The following COMMD7 variants were observed in gnomAD, a reference collection of about 807,000 sequenced individuals.
COMMD7 encodes the protein COMM domain-containing protein 7.
A neutral mutation model predicts 34.8 loss-of-function variants in COMMD7; 28 were observed. The ratio of observed to expected loss-of-function variants is 0.80; its 90% confidence interval spans 0.60 to 1.10. The LOEUF (loss-of-function observed/expected upper bound fraction) is 1.10, where lower values mean the gene tolerates loss of function less well. Among genes scored for constraint, COMMD7 ranks in the 50% least tolerant of loss-of-function variants. The probability of loss-of-function intolerance (pLI) is 0.00; values close to 1 mark genes in which losing one functional copy is unlikely to be tolerated. For synonymous variants in COMMD7, 80 were observed against 86.4 expected, an observed-to-expected ratio of 0.93 and a Z score of 0.41; for missense variants, 211 against 241.6, an observed-to-expected ratio of 0.87 and a Z score of 0.84.
intron 3 of COMMD7, among the ~76,000 whole-genome samples, chr20:32,718,075 C>A (rs556609521): frequency 1.6e-4 from 23 of 144,570 alleles, no homozygotes; most frequent in African/African-American, 5.6e-4. Flanking sequence ...GGCGACAGAG[C>A]GAGACTGCCT....
chr20:32,732,531 C>T (rs910424325), intron 1 of COMMD7, among the ~76,000 whole-genome samples: 3 of 152,092 alleles, frequency 2.0e-5, no homozygotes, highest in African/African-American at 7.2e-5. Context: ...CTTTGGGAGG[C>T]TGAGGCAGGA....
chr20:32,704,081 G>A lies in COMMD7; in HGVS notation c.478-10C>T. 6.4e-7 allele frequency: 1 copy of A among 1,571,388 alleles called. No homozygotes were observed. Among genetic ancestry groups the A allele is most frequent in the Admixed American group, 1.9e-5 (1 of 54,004 alleles). On this transcript the variant is annotated splice_polypyrimidine_tract_variant and intron_variant, in intron 7 of 8. Transcript: ENST00000278980. Reference sequence around the variant, plus strand: ...TAACCACCAACTTTAGCTGATGAAAGAAAAAGAAATAATTTAAATTAAAAT... The same window carrying A: ...TAACCACCAACTTTAGCTGATGAAAAAAAAAGAAATAATTTAAATTAAAAT...
rs1389686409 is a variant in COMMD7 at position 32,703,033 on chromosome 20, A to T, written c.*349T>A. The T allele has an allele frequency of 4.9e-6, 1 of 202,924 alleles. No individual in the cohort carries two copies. Among genetic ancestry groups the T allele is most frequent in the African/African-American group, 2.3e-5 (1 of 43,080 alleles). The allele number at this position is 202,924 out of a possible 1,614,324, so 12.6% of individuals were successfully genotyped here. A position where few individuals can be genotyped will look rare whatever the true frequency, so the allele number is the denominator to read the frequency against. On this transcript the variant is annotated 3_prime_UTR_variant, in exon 9 of 9. Transcript: ENST00000278980. ...TTGGGAGGAGGGTGATCAGCATGTT[A>T]TCTTGAATGATGGCACCATTTGTTT... is the stretch of plus-strand genomic sequence containing the variant.
Position 32,703,400 on chromosome 20 carries a change from G to A in COMMD7, c.585C>T (p.Ser195=). Residue 195 remains serine, a synonymous_variant, in exon 9 of 9, where the codon AGC becomes AGT. Transcript: ENST00000278980. The part of the protein sequence containing the change: ...FLHEMERVRT[S]MECFC ...ACAGAAATCAGCAGAAACACTCCATGCTGGTTCTGACTCGCTCCATCTCGT... is the reference window on the plus strand; with the variant it reads ...ACAGAAATCAGCAGAAACACTCCATACTGGTTCTGACTCGCTCCATCTCGT... 1.2e-6 allele frequency: 2 copies of A among 1,613,996 alleles called. No individual in the cohort carries two copies. The highest frequency in any genetic ancestry group is 1.7e-6 in the Non-Finnish European group (2 of 1,179,990).
At chr20:32,734,396 C>T (rs1057054127) in intron 1 of COMMD7, among the ~76,000 whole-genome samples, 3 of 143,238 alleles carry the variant, frequency 2.1e-5, no homozygotes, top group East Asian at 2.3e-4. Flanking sequence ...TGCTTGAACC[C>T]GGGAGGTGGA....
intron 1 of COMMD7, among the ~76,000 whole-genome samples, chr20:32,741,323 TCCTCCTGTCTCAG>T (rs1386687659): frequency 1.3e-5 from 2 of 150,862 alleles, no homozygotes; most frequent in Admixed American, 1.3e-4. Context: ...GCTCAAGTGA[TCCTCCTGTCTCAG>T]CCTCCCAAGT....
chr20:32,726,679 G>A (rs1985531079), intron 3 of COMMD7, among the ~76,000 whole-genome samples: 1 of 152,020 alleles, frequency 6.6e-6, no homozygotes, highest in Non-Finnish European at 1.5e-5. Context: ...CTCCAGCCTG[G>A]GCAAAAAGAT....
chr20:32,743,268 C>A, intron 1 of COMMD7, 40 bp downstream of exon 1: 1 of 730,980 alleles, frequency 1.4e-6, no homozygotes, highest in Non-Finnish European at 2.1e-6. Flanking sequence ...ATCCTGGAAT[C>A]ACCTGGGCCC....
chr20:32,710,446 T>TA (rs902092907), intron 3 of COMMD7, among the ~76,000 whole-genome samples: 2 of 151,858 alleles, frequency 1.3e-5, no homozygotes, highest in African/African-American at 4.8e-5. Flanking sequence ...TATCCAGGCT[T>TA]AAAAAAAATT....
At chr20:32,743,234 A>AGCCCCCCCCCCCC in intron 1 of COMMD7, 74 bp downstream of exon 1, 1 of 445,058 alleles carries the variant, frequency 2.2e-6, no homozygotes, top group Non-Finnish European at 4.1e-6. Context: ...GCACCCCCGG[A>AGCCCCCCCCCCCC]CGTCCCCCCC....
Position 32,704,507 on chromosome 20 carries a change from AAAAAGAG to A in COMMD7, c.428-25_428-19del, listed in dbSNP as rs769605312. On this transcript the variant is annotated intron_variant, in intron 6 of 8. Coordinates refer to ENST00000278980, the MANE Select transcript of COMMD7 (RefSeq NM_053041.3). ...AGATGTCACTGTGACAAAAAAAAAA[AAAAAGAG>A]AGAGAGAGAGAGAAATAACAAGTGA... 6.3e-6 allele frequency: 10 copies of A among 1,595,324 alleles called. No homozygotes were observed. The African/African-American group carries it at 9.5e-5, about 15-fold the overall frequency.
intron 3 of COMMD7, 101 bp downstream of exon 3, chr20:32,727,792 C>T (rs1035588211): frequency 4.9e-5 from 47 of 954,792 alleles, no homozygotes; most frequent in Non-Finnish European, 6.6e-5. Context: ...CATTACCAAA[C>T]GCTCTGGCTT....
At chr20:32,742,083 G>C (rs985068109) in intron 1 of COMMD7, among the ~76,000 whole-genome samples, 1 of 152,044 alleles carries the variant, frequency 6.6e-6, no homozygotes, top group Non-Finnish European at 1.5e-5. Flanking sequence ...AGTTACTCGG[G>C]AGACTGAGAC....
chr20:32,722,857 TA>T (rs1209543587), intron 3 of COMMD7, among the ~76,000 whole-genome samples: 2 of 147,244 alleles, frequency 1.4e-5, no homozygotes, highest in African/African-American at 2.5e-5. Flanking sequence ...CCATCTCTAC[TA>T]AAAAATACAA....
chr20:32,703,887 A>C, intron 8 of COMMD7, 136 bp downstream of exon 8: 3 of 1,556,206 alleles, frequency 1.9e-6, no homozygotes, highest in Non-Finnish European at 2.6e-6. Flanking sequence ...CAGGAGAGGA[A>C]AGGCAGTGGA....
chr20:32,717,981 C>G (rs1170035094), intron 3 of COMMD7, among the ~76,000 whole-genome samples: 1 of 150,962 alleles, frequency 6.6e-6, no homozygotes, highest in African/African-American at 2.4e-5. Flanking sequence ...CCCAGCTACT[C>G]AGGAAGCTGA....
At position 32,728,080 on chromosome 20, in the gene COMMD7, T is replaced by A; in HGVS notation, c.138+9A>T. On this transcript the variant is annotated intron_variant, in intron 2 of 8. Coordinates refer to ENST00000278980, the MANE Select transcript of COMMD7 (RefSeq NM_053041.3). ...GGACCCACTCCCTAACACAGAATGT[T>A]TTATTTACCTCTTTTGGCTCAGTTA... 1 of 1,614,006 alleles carries A rather than the reference T, an allele frequency of 6.2e-7. No individual in the cohort carries two copies. Among genetic ancestry groups the A allele is most frequent in the Admixed American group, 1.7e-5 (1 of 59,976 alleles).
chr20:32,739,947 T>C (rs1986341026), intron 1 of COMMD7, among the ~76,000 whole-genome samples: 1 of 142,670 alleles, frequency 7.0e-6, no homozygotes. Flanking sequence ...ACTTGAACCC[T>C]GTAGGCGGAG....
At chr20:32,705,376 A>ATATATATTTTTTTT (rs1335467096) in intron 5 of COMMD7, among the ~76,000 whole-genome samples, 16 of 125,438 alleles carry the variant, frequency 1.3e-4, no homozygotes, top group African/African-American at 5.5e-4. Flanking sequence ...ATATATATAT[A>ATATATATTTTTTTT]TTTTTTTTTT....
Sources: gnomAD v4.1 joint callset for allele counts (sites outside exome capture counted in the v4.1 genomes callset) on GRCh38, gnomAD v4.1.1 for gene constraint, MANE v1.5 for transcripts, NCBI Gene and HGNC (gene_info 2026-07-23, HGNC 2026-07-21) for gene names.